USP33: variants seen among roughly 807,000 people sequenced by gnomAD.
USP33 encodes ubiquitin carboxyl-terminal hydrolase 33.
USP33 carries 46 observed loss-of-function variants against 124.2 expected under a neutral mutation model. The ratio of observed to expected loss-of-function variants is 0.37; its 90% CI spans 0.29 to 0.47. The LOEUF is 0.47. USP33 is among the 20% of genes least tolerant of loss of function. The probability of loss-of-function intolerance (pLI) is 0.99; values close to 1 mark genes in which losing one functional copy is unlikely to be tolerated. For missense variants in USP33, 851 were observed against 1,070.6 expected (o/e 0.79, Z 2.86); for synonymous variants, 350 against 352.3 (o/e 0.99, Z 0.07).
intron 9 of USP33, among the ~76,000 whole-genome samples, chr1:77,729,170 T>C (rs1303948331): frequency 1.3e-5 from 2 of 152,114 alleles, no homozygotes; most frequent in African/African-American, 2.4e-5. Flanking sequence ...CCTTCTGAAG[T>C]GCTGGGATTA....
chr1:77,726,768 G>A (rs184785166), intron 10 of USP33, among the ~76,000 whole-genome samples: 4 of 152,032 alleles, frequency 2.6e-5, no homozygotes, highest in African/African-American at 9.6e-5. Context: ...TAGGTATAAA[G>A]TAATCATAAG....
At chr1:77,709,534 T>C (rs1331076075) in intron 21 of USP33, among the ~76,000 whole-genome samples, 1 of 150,946 alleles carries the variant, frequency 6.6e-6, no homozygotes, top group East Asian at 1.9e-4. Flanking sequence ...TTTAGAAATA[T>C]ATAGATATAT....
At chr1:77,719,174 C>T (rs1369183669) in intron 15 of USP33, among the ~76,000 whole-genome samples, 2 of 151,286 alleles carry the variant, frequency 1.3e-5, no homozygotes, top group Non-Finnish European at 2.9e-5. Flanking sequence ...TCCTGGCCAA[C>T]ATGGTGAAAC....
chr1:77,715,719 G>A lies in USP33; in HGVS notation c.2045+23C>T, dbSNP rs200427658. The A allele has an allele frequency of 2.7e-4, 438 of 1,605,118 alleles. 3 individuals carry two copies. The African/African-American group carries it at 5.0e-3, about 18-fold the overall frequency. On this transcript the variant is annotated intron_variant, in intron 18 of 23. Transcript: ENST00000370794. ...CCCAAAATGTGAGAGATGTCCTTTC[G>A]CATCTACACTTATTTCCATTACCTA...
At chr1:77,708,360 A>G (rs1188153639) in intron 21 of USP33, among the ~76,000 whole-genome samples, 1 of 152,228 alleles carries the variant, frequency 6.6e-6, no homozygotes, top group African/African-American at 2.4e-5. Flanking sequence ...GCATCCACAG[A>G]TAGCATAAGT....
intron 1 of USP33, among the ~76,000 whole-genome samples, chr1:77,742,090 T>C (rs1290239652): frequency 1.3e-5 from 2 of 151,992 alleles, no homozygotes; most frequent in Non-Finnish European, 2.9e-5. Flanking sequence ...TTCAAGTTAT[T>C]CAACTGTGAA....
At chr1:77,709,552 C>CATATCTAT (rs1675002546) in intron 21 of USP33, among the ~76,000 whole-genome samples, 1 of 150,494 alleles carries the variant, frequency 6.6e-6, no homozygotes, top group Non-Finnish European at 1.5e-5. Flanking sequence ...TATATAGATA[C>CATATCTAT]ATATCTATAT....
chr1:77,703,344 T>C (rs1345019851), intron 21 of USP33, among the ~76,000 whole-genome samples: 2 of 152,198 alleles, frequency 1.3e-5, no homozygotes, highest in East Asian at 3.9e-4. Flanking sequence ...AACTCCAACC[T>C]GGGCCAGGCG....
chr1:77,741,618 A>C lies in USP33; in HGVS notation c.80T>G (p.Leu27Arg). 6.3e-7 allele frequency: 1 copy of C among 1,582,546 alleles called. No individual in the cohort carries two copies. Among genetic ancestry groups the C allele is most frequent in the Non-Finnish European group, 8.5e-7 (1 of 1,169,686 alleles). Residue 27 changes from leucine (L) to arginine (R), a missense_variant and splice_region_variant, in exon 2 of 24, where the codon CTT (leucine) becomes CGT (arginine). Physicochemically the swap from Leu to Arg is moderately radical, Grantham distance 102. Around this residue, in one of 4 missense-constraint regions of USP33, gnomAD observed 221 missense variants for 302.9 expected, o/e 0.73. Coordinates refer to ENST00000370794, the MANE Select transcript of USP33 (RefSeq NM_201624.3). ...ITKEDLIQKS[L>R]GTCQDCKVQG... ...AGGAAGAAAAAACCTGTTTCTTACAAGGGATTTTTGTATCAAATCTTCTTT... is the reference window on the plus strand; with the variant it reads ...AGGAAGAAAAAACCTGTTTCTTACACGGGATTTTTGTATCAAATCTTCTTT...
rs796189940 is a variant in USP33 at position 77,729,370 on chromosome 1, A to T, written c.717+490T>A. On this transcript the variant is annotated intron_variant, in intron 9 of 23. Coordinates refer to ENST00000370794, the MANE Select transcript of USP33 (RefSeq NM_201624.3). Reference sequence around the variant, plus strand: ...AACATAATGAGACATTATCTCTCTTAAAAAAAAAAAAAAAAAAAAGGCTGA... The same window carrying T: ...AACATAATGAGACATTATCTCTCTTTAAAAAAAAAAAAAAAAAAAGGCTGA... 3.0e-4 allele frequency among the ~76,000 whole-genome samples: 35 copies of T among 116,826 alleles called. No individual in the cohort carries two copies. The East Asian group carries it at 3.5e-3, about 12-fold the overall frequency. The allele number at this position is 116,826 out of a possible 152,430, so 76.6% of individuals were successfully genotyped here.
At chr1:77,697,592 G>C (rs1420319131) in intron 23 of USP33, 118 bp from the exon 24 acceptor site, 13 of 1,212,948 alleles carry the variant, frequency 1.1e-5, no homozygotes, top group Non-Finnish European at 1.4e-5. Context: ...TCTGGAACAT[G>C]AATCTGCAGA....
intron 7 of USP33, among the ~76,000 whole-genome samples, chr1:77,733,523 G>T (rs1271836404): frequency 1.3e-5 from 2 of 152,254 alleles, no homozygotes; most frequent in Middle Eastern, 6.8e-3. Context: ...TTTATGGAGG[G>T]TTATGTCTAA....
Position 77,729,361 on chromosome 1 carries a change from A to C in USP33, c.717+499T>G, listed in dbSNP as rs955391206. Among the ~76,000 whole-genome samples, 73 of 143,842 alleles carry C rather than the reference A, an allele frequency of 5.1e-4. 1 individual carries two copies. Among genetic ancestry groups the C allele is most frequent in the African/African-American group, 1.7e-3 (64 of 38,226 alleles). The allele number at this position is 143,842 out of a possible 152,430, so 94.4% of individuals were successfully genotyped here. On this transcript the variant is annotated intron_variant, in intron 9 of 23. Coordinates refer to ENST00000370794, the MANE Select transcript of USP33 (RefSeq NM_201624.3). ...AGCCAGGGCAACATAATGAGACATT[A>C]TCTCTCTTAAAAAAAAAAAAAAAAA...
At chr1:77,745,836 G>A (rs1679687457) in intron 1 of USP33, among the ~76,000 whole-genome samples, 4 of 152,200 alleles carry the variant, frequency 2.6e-5, no homozygotes, top group Admixed American at 2.6e-4. Flanking sequence ...AAACCAATGA[G>A]AACAAAGACA....
Position 77,739,422 on chromosome 1 carries a change from A to C in USP33, c.199-5T>G. ...AGTTAGATAATGCTTTGTCTCCTAT[A>C]TAATTTCACAGTAGAGGGAAAAGAG... On this transcript the variant is annotated splice_polypyrimidine_tract_variant and splice_region_variant and intron_variant, in intron 4 of 23. Coordinates refer to ENST00000370794, the MANE Select transcript of USP33 (RefSeq NM_201624.3). 6.3e-7 allele frequency: 1 copy of C among 1,584,952 alleles called. No individual in the cohort carries two copies. Among genetic ancestry groups the C allele is most frequent in the Non-Finnish European group, 8.6e-7 (1 of 1,167,592 alleles).
At chr1:77,753,543 T>G (rs1221028935) in intron 1 of USP33, among the ~76,000 whole-genome samples, 1 of 152,174 alleles carries the variant, frequency 6.6e-6, no homozygotes. Flanking sequence ...TACAGTATTT[T>G]ATTTAAGAAG....
At chr1:77,730,153 T>C (rs1311380349) in intron 8 of USP33, among the ~76,000 whole-genome samples, 2 of 152,220 alleles carry the variant, frequency 1.3e-5, no homozygotes, top group Admixed American at 6.6e-5. Flanking sequence ...CTCAATTAAA[T>C]GATTATGCTT....
At chr1:77,697,807 T>G (rs1274819388) in intron 23 of USP33, 56 bp downstream of exon 23, 1 of 1,477,784 alleles carries the variant, frequency 6.8e-7, no homozygotes, top group South Asian at 1.2e-5. Flanking sequence ...TGATAACATA[T>G]TTCTAACAGT....
intron 4 of USP33, 40 bp from the exon 5 acceptor site, chr1:77,739,457 T>C: frequency 6.6e-7 from 1 of 1,518,030 alleles, no homozygotes; most frequent in Non-Finnish European, 8.8e-7. Context: ...GGAACCAAAA[T>C]TACATATACT....
Sources: allele counts gnomAD v4.1 joint callset (sites outside exome capture counted in the v4.1 genomes callset), GRCh38; gene constraint gnomAD v4.1.1; regional missense constraint gnomAD v4.1.1; transcripts MANE v1.5; gene names NCBI Gene and HGNC (gene_info 2026-07-23, HGNC 2026-07-21).